The following COPG1 variants were observed in gnomAD, a reference collection of about 807,000 sequenced individuals.
COPG1 encodes the protein coatomer subunit gamma-1.
Under a neutral mutation model 102.8 loss-of-function variants are expected in COPG1, and 29 were observed. The ratio of observed to expected loss-of-function variants is 0.28; its 90% CI spans 0.21 to 0.38. COPG1 has a LOEUF of 0.38. Among genes scored for constraint, COPG1 ranks in the 10% least tolerant of loss-of-function variants. The pLI, the probability that COPG1 is intolerant of heterozygous loss-of-function variation, is 1.00. For missense variants in COPG1, 875 were observed against 1,132.7 expected (o/e 0.77, Z 3.27); for synonymous variants, 406 against 421.6 (o/e 0.96, Z 0.45).
intron 23 of COPG1, 26 bp from the exon 24 acceptor site, chr3:129,277,268 A>G: frequency 1.2e-6 from 2 of 1,612,566 alleles, no homozygotes; most frequent in Non-Finnish European, 1.7e-6. Context: ...TGCTGTATAT[A>G]TCTGTACTTC....
chr3:129,252,773 A>T, intron 4 of COPG1, 79 bp downstream of exon 4: 1 of 1,540,854 alleles, frequency 6.5e-7, no homozygotes, highest in Non-Finnish European at 9.0e-7. Flanking sequence ...AGCTGGCCCC[A>T]CCAGTCAGTG....
chr3:129,275,249 C>T lies in COPG1; in HGVS notation c.2451C>T (p.Asp817=). The T allele has an allele frequency of 6.2e-7, 1 of 1,614,138 alleles. No individual in the cohort carries two copies. Among genetic ancestry groups the T allele is most frequent in the South Asian group, 1.1e-5 (1 of 91,084 alleles). The stretch of plus-strand genomic sequence containing the variant: ...GAATGCACCCTTGTGAGAGGTCAGA[C>T]AAAGTGCCGGATAACAAGAACACCC... ...FLGMHPCERS[D]KVPDNKNTHT... Residue 817 remains aspartate (D), a synonymous_variant, in exon 23 of 24, where the codon GAC becomes GAT. Coordinates refer to ENST00000314797, the MANE Select transcript of COPG1 (RefSeq NM_016128.4). The surrounding 1 kb of genome is among the most constrained non-coding windows in gnomAD (Gnocchi z 5.0).
rs1337085506 is a variant in COPG1, at chr3:129,275,484, G to A, written c.2494+192G>A. Among the ~76,000 whole-genome samples, 1 of 152,132 alleles carries A rather than the reference G, an allele frequency of 6.6e-6. No homozygotes were observed. The highest frequency in any genetic ancestry group is 6.5e-5 in the Admixed American group (1 of 15,272). On this transcript the variant is annotated intron_variant, in intron 23 of 23. Transcript: ENST00000314797. This position sits in a 1 kb window ranked among gnomAD's most constrained non-coding sequence, Gnocchi z 5.0. The stretch of plus-strand genomic sequence containing the variant: ...CTGCCAGCCATTCAGATTCCCTTCC[G>A]AGAAGCGACCAGTGTTACTATTACA...
In COPG1 at chr3:129,265,797, G is replaced by T; in HGVS notation, c.1468+5G>T. ...AGCATGAGGAGGTCCGGGCAGGTAGGTCTGAGCCAGGGCTGAACTTGGAAA... is the reference window on the plus strand; with the variant it reads ...AGCATGAGGAGGTCCGGGCAGGTAGTTCTGAGCCAGGGCTGAACTTGGAAA... On this transcript the variant is annotated splice_donor_5th_base_variant and intron_variant, in intron 14 of 23. Coordinates refer to ENST00000314797, the MANE Select transcript of COPG1 (RefSeq NM_016128.4). 1 of 1,613,018 alleles carries T rather than the reference G, an allele frequency of 6.2e-7. No homozygotes were observed. The highest frequency in any genetic ancestry group is 8.5e-7 in the Non-Finnish European group (1 of 1,179,134).
chr3:129,253,536 A>G (rs1939741068), intron 5 of COPG1, among the ~76,000 whole-genome samples: 1 of 152,202 alleles, frequency 6.6e-6, no homozygotes, highest in Admixed American at 6.5e-5. Flanking sequence ...CAGAGAAATA[A>G]CCAGGCATCA....
At position 129,253,828 on chromosome 3, in the gene COPG1, C is replaced by T. The variant is rs556320248; in HGVS notation, c.324-840C>T. On this transcript the variant is annotated intron_variant, in intron 5 of 23. Transcript: ENST00000314797. ...CATCCTGGCCAACATGGTGAAACCCCGTTTCTACTAAAAATACAAAAATTA... is the reference window on the plus strand; with the variant it reads ...CATCCTGGCCAACATGGTGAAACCCTGTTTCTACTAAAAATACAAAAATTA... Among the ~76,000 whole-genome samples the T allele has an allele frequency of 3.5e-4, 53 of 152,132 alleles. 1 individual carries two copies. The South Asian group carries it at 7.7e-3, about 22-fold the overall frequency.
rs777321902 is a variant in COPG1 at position 129,265,653 on chromosome 3, C to T, written c.1329C>T (p.Ile443=). The T allele has an allele frequency of 1.6e-5, 26 of 1,614,038 alleles. No individual in the cohort carries two copies. The highest frequency in any genetic ancestry group is 1.6e-4 in the Middle Eastern group (1 of 6,084). The change falls in exon 14 of 24, where the codon ATC becomes ATT. Residue 443 remains isoleucine (I), a synonymous_variant. Coordinates refer to ENST00000314797, the MANE Select transcript of COPG1 (RefSeq NM_016128.4). Reference sequence around the variant, plus strand: ...GGCTGTCACATCTGTGCGAGTTCATCGAGGACTGCGAGTTCACAGTGCTGG... The same window carrying T: ...GGCTGTCACATCTGTGCGAGTTCATTGAGGACTGCGAGTTCACAGTGCTGG... The part of the protein sequence containing the change: ...ETGLSHLCEF[I]EDCEFTVLAT...
At chr3:129,255,147 C>A in intron 7 of COPG1, 70 bp downstream of exon 7, 1 of 959,462 alleles carries the variant, frequency 1.0e-6, no homozygotes, top group Non-Finnish European at 1.6e-6. Flanking sequence ...GAGTCACATT[C>A]CAGTAGGAAA....
chr3:129,261,093 T>A (rs760202340), intron 12 of COPG1, among the ~76,000 whole-genome samples: 3 of 152,254 alleles, frequency 2.0e-5, no homozygotes, highest in African/African-American at 7.2e-5. Context: ...GAGCACTTGC[T>A]GTCTGCTATG....
In COPG1 at chr3:129,267,971, C is replaced by G. The variant is rs202034646; in HGVS notation, c.1579C>G (p.Arg527Gly). 3.5e-5 allele frequency: 56 copies of G among 1,613,940 alleles called. 1 individual carries two copies. The South Asian group carries it at 6.0e-4, about 17-fold the overall frequency. The change falls in exon 16 of 24, where the codon CGA (arginine) becomes GGA (glycine). Residue 527 changes from arginine to glycine, a missense_variant. Transcript: ENST00000314797. ...GGATGATGACAATGAAGTAAGGGAC[C>G]GAGCCACCTTCTACCTAAATGTCCT... The part of the protein sequence containing the change: ...VMDDDNEVRD[R>G]ATFYLNVLEQ...
In COPG1 at chr3:129,275,748, G is replaced by A. The variant is rs1396041244; in HGVS notation, c.2494+456G>A. Among the ~76,000 whole-genome samples the A allele has an allele frequency of 6.6e-6, 1 of 152,164 alleles. No individual in the cohort carries two copies. Among genetic ancestry groups the A allele is most frequent in the Non-Finnish European group, 1.5e-5 (1 of 68,028 alleles). On this transcript the variant is annotated intron_variant, in intron 23 of 23. Coordinates refer to ENST00000314797, the MANE Select transcript of COPG1 (RefSeq NM_016128.4). This position sits in a 1 kb window ranked among gnomAD's most constrained non-coding sequence, Gnocchi z 5.0. ...TTCACCATTTCGACCATTTTCAAGTGTATGGTTCAGCGGCATTAAGTACAT... is the reference window on the plus strand; with the variant it reads ...TTCACCATTTCGACCATTTTCAAGTATATGGTTCAGCGGCATTAAGTACAT...
At chr3:129,264,793 C>G (rs751989881) in intron 13 of COPG1, among the ~76,000 whole-genome samples, 3 of 151,414 alleles carry the variant, frequency 2.0e-5, no homozygotes, top group Non-Finnish European at 4.4e-5. Flanking sequence ...AGGCCTAGCA[C>G]TTTGGAGACA....
chr3:129,251,289 A>G (rs1361923948), intron 2 of COPG1, among the ~76,000 whole-genome samples: 1 of 151,496 alleles, frequency 6.6e-6, no homozygotes, highest in Non-Finnish European at 1.5e-5. Flanking sequence ...AAACTGGTTT[A>G]AAACTATCAC....
At chr3:129,262,141 C>T (rs1035103836) in intron 12 of COPG1, among the ~76,000 whole-genome samples, 4 of 151,922 alleles carry the variant, frequency 2.6e-5, no homozygotes, top group Admixed American at 6.6e-5. Context: ...GGTCTGGGCA[C>T]GGTGGCTCAT....
intron 5 of COPG1, chr3:129,254,420 T>G (rs1939764917): frequency 2.1e-6 from 1 of 476,876 alleles, no homozygotes; most frequent in Non-Finnish European, 3.8e-6. Flanking sequence ...AGGAGTTACA[T>G]TCAGGTCACT....
Position 129,275,958 on chromosome 3 carries a change from G to A in COPG1, c.2494+666G>A, listed in dbSNP as rs1940263808. ...ATCTCTTGCTATTACAGATGTTACA[G>A]TAAATAATCGTGTACACACACACAC... On this transcript the variant is annotated intron_variant, in intron 23 of 23. Coordinates refer to ENST00000314797, the MANE Select transcript of COPG1 (RefSeq NM_016128.4). This position sits in a 1 kb window ranked among gnomAD's most constrained non-coding sequence, Gnocchi z 5.0. Among the ~76,000 whole-genome samples the A allele has an allele frequency of 6.8e-6, 1 of 146,740 alleles. No homozygotes were observed. Among genetic ancestry groups the A allele is most frequent in the Non-Finnish European group, 1.5e-5 (1 of 67,734 alleles).
intron 8 of COPG1, among the ~76,000 whole-genome samples, chr3:129,256,675 C>A (rs536279009): frequency 3.9e-5 from 6 of 152,358 alleles, no homozygotes; most frequent in African/African-American, 1.2e-4. Context: ...TAACATGTGA[C>A]CCATCTGGGT....
rs1026223497 is a variant in COPG1 at position 129,275,997 on chromosome 3, C to G, written c.2494+705C>G. Among the ~76,000 whole-genome samples, 10 of 149,680 alleles carry G rather than the reference C, an allele frequency of 6.7e-5. No homozygotes were observed. The highest frequency in any genetic ancestry group is 1.3e-4 in the African/African-American group (5 of 39,718). On this transcript the variant is annotated intron_variant, in intron 23 of 23. Transcript: ENST00000314797. The surrounding 1 kb of genome is among the most constrained non-coding windows in gnomAD (Gnocchi z 5.0). The stretch of plus-strand genomic sequence containing the variant: ...ACACACACACACACACACACACACA[C>G]AGTTTACTTTGCATGTGTACACTGA...
chr3:129,263,322 T>C (rs566539784), intron 12 of COPG1, among the ~76,000 whole-genome samples: 12 of 152,054 alleles, frequency 7.9e-5, no homozygotes, highest in Non-Finnish European at 1.2e-4. Flanking sequence ...ATGGAGATGT[T>C]TGTGGTTGCA....
Sources: allele counts gnomAD v4.1 joint callset (sites outside exome capture counted in the v4.1 genomes callset), GRCh38; gene constraint gnomAD v4.1.1; non-coding constraint Gnocchi (gnomAD v3.1); transcripts MANE v1.5; gene names NCBI Gene and HGNC (gene_info 2026-07-23, HGNC 2026-07-21).